The following FAM81A variants were observed in gnomAD, a reference collection of about 807,000 sequenced individuals.
FAM81A encodes the protein family with sequence similarity 81 member A.
In FAM81A, 19 loss-of-function variants were observed where a neutral mutation model predicts 46.7. The observed-to-expected ratio is 0.41, with a 90% CI of 0.28 to 0.60. FAM81A has a LOEUF of 0.60. FAM81A is among the 20% of genes least tolerant of loss of function. FAM81A has a pLI of 0.34. For missense variants in FAM81A, 377 were observed against 453.5 expected (o/e 0.83, Z 1.53); for synonymous variants, 183 against 152.9 (o/e 1.20, Z -1.45).
In FAM81A at chr15:59,490,187, C is replaced by T. The variant is rs143358157; in HGVS notation, c.295-2084C>T. Among the ~76,000 whole-genome samples the T allele has an allele frequency of 8.7e-3, 1,314 of 151,852 alleles. 16 individuals are homozygous for T. Among genetic ancestry groups the T allele is most frequent in the African/African-American group, 0.03 (1,249 of 41,420 alleles). On this transcript the variant is annotated intron_variant, in intron 3 of 8. Transcript: ENST00000288228. ...TAAAAGAAAACATTGGATAAACTCT[C>T]TAGGACATTGGAGTGGGCAAAGATT...
At chr15:59,441,764 C>T (rs1221310176) in intron 1 of FAM81A, among the ~76,000 whole-genome samples, 1 of 152,202 alleles carries the variant, frequency 6.6e-6, no homozygotes, top group Non-Finnish European at 1.5e-5. Context: ...CAGGCCCACT[C>T]GAACCTCATT....
rs1442237778 is a variant in FAM81A, at chr15:59,497,315, G to GTACA, written c.413+4926_413+4927insTACA. On this transcript the variant is annotated intron_variant, in intron 4 of 8. Coordinates refer to ENST00000288228, the MANE Select transcript of FAM81A (RefSeq NM_152450.3). ...ACAAAAATTAGCCAGGTGTGGTAGT[G>GTACA]GCCACCTGTAATCCCAGCTACTCGG... 4.6e-5 allele frequency among the ~76,000 whole-genome samples: 7 copies of GTACA among 151,692 alleles called. No individual in the cohort carries two copies. The South Asian group carries it at 1.5e-3, about 32-fold the overall frequency.
chr15:59,441,921 C>G (rs1198750436), intron 1 of FAM81A, among the ~76,000 whole-genome samples: 1 of 152,238 alleles, frequency 6.6e-6, no homozygotes, highest in Non-Finnish European at 1.5e-5. Context: ...GGGCACTTTC[C>G]CCGCGCCTCA....
intron 7 of FAM81A, among the ~76,000 whole-genome samples, chr15:59,515,730 T>A (rs899849352): frequency 6.6e-6 from 1 of 152,268 alleles, no homozygotes; most frequent in Non-Finnish European, 1.5e-5. Flanking sequence ...GGATTTATAC[T>A]AATACATTTG....
intron 1 of FAM81A, among the ~76,000 whole-genome samples, chr15:59,442,528 A>G (rs1032109474): frequency 2.0e-5 from 3 of 151,114 alleles, no homozygotes; most frequent in Non-Finnish European, 4.4e-5. Context: ...GAGGCAGGAG[A>G]ATTGCTTGAA....
In FAM81A at chr15:59,516,689, A is replaced by T; in HGVS notation, c.831A>T (p.Ser277=). 1 of 1,613,678 alleles carries T rather than the reference A, an allele frequency of 6.2e-7. No homozygotes were observed. Among genetic ancestry groups the T allele is most frequent in the Non-Finnish European group, 8.5e-7 (1 of 1,179,770 alleles). Residue 277 remains serine, a synonymous_variant, in exon 8 of 9, where the codon TCA becomes TCT. Transcript: ENST00000288228. ...RDMEKKLSQM[S]ARLDKIEEGQ... is the part of the protein sequence containing the mutation. Reference sequence around the variant, plus strand: ...TGGAGAAGAAGCTCAGCCAGATGTCAGCCAGGCTTGACAAAATAGAAGAGG... The same window carrying T: ...TGGAGAAGAAGCTCAGCCAGATGTCTGCCAGGCTTGACAAAATAGAAGAGG...
intron 3 of FAM81A, among the ~76,000 whole-genome samples, chr15:59,479,554 G>T (rs989145547): frequency 1.2e-4 from 17 of 143,816 alleles, no homozygotes; most frequent in Non-Finnish European, 1.8e-4. Flanking sequence ...GATGGTAAGG[G>T]AATAAGGTGA....
At chr15:59,428,158 T>A (rs184612989) in intron 2 of FAM81A, among the ~76,000 whole-genome samples, 22 of 152,358 alleles carry the variant, frequency 1.4e-4, no homozygotes, top group African/African-American at 4.6e-4. Context: ...TGATCAGTGA[T>A]GTTGAGCACC....
chr15:59,444,812 A>T (rs542035998), intron 1 of FAM81A, among the ~76,000 whole-genome samples: 1 of 152,122 alleles, frequency 6.6e-6, no homozygotes. Flanking sequence ...GAGTTTTTCC[A>T]TATAAAAGCA....
intron 4 of FAM81A, among the ~76,000 whole-genome samples, chr15:59,494,642 C>T (rs2082015463): frequency 6.6e-6 from 1 of 151,914 alleles, no homozygotes; most frequent in South Asian, 2.1e-4. Flanking sequence ...GTTTTTTTGG[C>T]TATATTAGAA....
chr15:59,491,047 C>T (rs776628615), intron 3 of FAM81A, among the ~76,000 whole-genome samples: 17 of 152,128 alleles, frequency 1.1e-4, no homozygotes, highest in Non-Finnish European at 2.1e-4. Flanking sequence ...TATGATTCAG[C>T]AATCCCACTG....
chr15:59,496,145 A>C (rs1285785116), intron 4 of FAM81A, among the ~76,000 whole-genome samples: 4 of 152,180 alleles, frequency 2.6e-5, no homozygotes, highest in African/African-American at 4.8e-5. Context: ...TTATAGTTTC[A>C]GCTCTTACAT....
intron 3 of FAM81A, among the ~76,000 whole-genome samples, chr15:59,490,109 T>G (rs1262199038): frequency 6.8e-6 from 1 of 146,678 alleles, no homozygotes; most frequent in Non-Finnish European, 1.5e-5. Flanking sequence ...GAACCAAAAA[T>G]AAAAGTTGAA....
At chr15:59,452,708 G>A (rs1596482019) in intron 1 of FAM81A, among the ~76,000 whole-genome samples, 1 of 152,182 alleles carries the variant, frequency 6.6e-6, no homozygotes, top group African/African-American at 2.4e-5. Flanking sequence ...TCATGCTCAT[G>A]ATGTAGTGTC....
At position 59,464,579 on chromosome 15, in the gene FAM81A, C is replaced by A. The variant is rs574240418; in HGVS notation, c.294+4373C>A. On this transcript the variant is annotated intron_variant, in intron 3 of 8. Coordinates refer to ENST00000288228, the MANE Select transcript of FAM81A (RefSeq NM_152450.3). Reference sequence around the variant, plus strand: ...TTCCCTGATAATTAGTGATATTGGGCCTTTTTTCATACATTTGTTTGCCAT... The same window carrying A: ...TTCCCTGATAATTAGTGATATTGGGACTTTTTTCATACATTTGTTTGCCAT... Among the ~76,000 whole-genome samples, 4 of 152,238 alleles carry A rather than the reference C, an allele frequency of 2.6e-5. No individual in the cohort carries two copies. In the East Asian group the frequency reaches 7.7e-4, roughly 29 times the overall value.
At chr15:59,409,237 C>T (rs1236943325) in intron 2 of FAM81A, among the ~76,000 whole-genome samples, 1 of 152,130 alleles carries the variant, frequency 6.6e-6, no homozygotes, top group East Asian at 1.9e-4. Flanking sequence ...AGTGCAGTGA[C>T]ACTGGGGCTC....
Position 59,489,040 on chromosome 15 carries a change from C to T in FAM81A, c.295-3231C>T, listed in dbSNP as rs529360061. On this transcript the variant is annotated intron_variant, in intron 3 of 8. Coordinates refer to ENST00000288228, the MANE Select transcript of FAM81A (RefSeq NM_152450.3). ...CAGCACTTTGGGAGGCTGAGGCAGG[C>T]GGATCACGAGGTCAGGAGATCGAGA... Among the ~76,000 whole-genome samples, 1,216 of 152,052 alleles carry T rather than the reference C, an allele frequency of 8.0e-3. 18 individuals are homozygous for T. Among genetic ancestry groups the T allele is most frequent in the African/African-American group, 0.027 (1,125 of 41,472 alleles).
intron 3 of FAM81A, among the ~76,000 whole-genome samples, chr15:59,489,576 C>A (rs978301524): frequency 2.0e-5 from 3 of 151,980 alleles, no homozygotes; most frequent in Admixed American, 1.3e-4. Flanking sequence ...TCACATGGAA[C>A]CACAAAATAC....
chr15:59,500,659 T>G (rs1347110692), intron 4 of FAM81A, among the ~76,000 whole-genome samples: 1 of 151,952 alleles, frequency 6.6e-6, no homozygotes, highest in African/African-American at 2.4e-5. Flanking sequence ...GTGTCTCATT[T>G]TTTTTTTTGG....
Sources: allele counts gnomAD v4.1 joint callset (sites outside exome capture counted in the v4.1 genomes callset), GRCh38; gene constraint gnomAD v4.1.1; transcripts MANE v1.5; gene names NCBI Gene and HGNC (gene_info 2026-07-23, HGNC 2026-07-21).